TIMP3: variants seen among roughly 807,000 people sequenced by gnomAD.
TIMP3 encodes the protein metalloproteinase inhibitor 3.
A neutral mutation model predicts 30.0 loss-of-function variants in TIMP3; 11 were observed. The ratio of observed to expected loss-of-function variants is 0.37; its 90% CI spans 0.23 to 0.61. The LOEUF is 0.61. Ranked by LOEUF, TIMP3 falls within the 20% of genes least tolerant of loss-of-function variation. The pLI is 0.70. For missense variants in TIMP3, 181 were observed against 276.8 expected (o/e 0.65, Z 2.45); for synonymous variants, 112 against 111.3 (o/e 1.01, Z -0.04).
chr22:32,841,626 G>A (rs78278186), intron 1 of TIMP3, among the ~76,000 whole-genome samples: 1,655 of 152,044 alleles, frequency 0.011, 29 homozygotes, highest in African/African-American at 0.037. Context: ...TGTAGACTCT[G>A]GGATATATAA....
At chr22:32,823,034 A>AT (rs1194971941) in intron 1 of TIMP3, among the ~76,000 whole-genome samples, 1 of 152,124 alleles carries the variant, frequency 6.6e-6, no homozygotes, top group Non-Finnish European at 1.5e-5. Context: ...GCGCTGTGGG[A>AT]TTTTGGATGA....
chr22:32,852,902 C>T (rs2048263101), intron 2 of TIMP3, among the ~76,000 whole-genome samples: 1 of 152,152 alleles, frequency 6.6e-6, no homozygotes, highest in Non-Finnish European at 1.5e-5. Context: ...GAAACCGATC[C>T]ACTGTGCCAG....
At chr22:32,857,627 G>T (rs918322418) in intron 3 of TIMP3, among the ~76,000 whole-genome samples, 4 of 152,172 alleles carry the variant, frequency 2.6e-5, no homozygotes, top group African/African-American at 7.2e-5. Context: ...TAAAAAGGGA[G>T]TATCTGTTCC....
intron 1 of TIMP3, among the ~76,000 whole-genome samples, chr22:32,836,537 C>CT (rs1283330230): frequency 2.0e-5 from 3 of 152,206 alleles, no homozygotes; most frequent in African/African-American, 7.2e-5. Flanking sequence ...TTTGGATCTT[C>CT]TCTTTAATCA....
At chr22:32,807,534 C>T (rs1326110531) in intron 1 of TIMP3, among the ~76,000 whole-genome samples, 1 of 147,588 alleles carries the variant, frequency 6.8e-6, no homozygotes, top group African/African-American at 2.5e-5. Flanking sequence ...AAGTCATTAA[C>T]TTACATTAAC....
At chr22:32,855,559 C>T (rs2048339317) in intron 2 of TIMP3, among the ~76,000 whole-genome samples, 1 of 152,102 alleles carries the variant, frequency 6.6e-6, no homozygotes, top group South Asian at 2.1e-4. Flanking sequence ...ACTCAGGCTC[C>T]TCATCTATAA....
intron 1 of TIMP3, among the ~76,000 whole-genome samples, chr22:32,804,600 G>A (rs1176632164): frequency 1.3e-5 from 2 of 152,180 alleles, no homozygotes; most frequent in East Asian, 1.9e-4. Context: ...TCTCCGGGGG[G>A]CTGCCCGATG....
At chr22:32,810,395 G>A (rs977216534) in intron 1 of TIMP3, among the ~76,000 whole-genome samples, 2 of 152,124 alleles carry the variant, frequency 1.3e-5, no homozygotes, top group African/African-American at 2.4e-5. Flanking sequence ...GAAACTATAA[G>A]TGTTTCCAAG....
chr22:32,839,281 G>A (rs2047826658), intron 1 of TIMP3, among the ~76,000 whole-genome samples: 1 of 152,122 alleles, frequency 6.6e-6, no homozygotes. Flanking sequence ...GTAAATGAGG[G>A]TTGTGGATCC....
intron 1 of TIMP3, among the ~76,000 whole-genome samples, chr22:32,829,956 C>G (rs1417824650): frequency 3.3e-5 from 5 of 152,228 alleles, no homozygotes. Flanking sequence ...TGCTGGGCCT[C>G]TCTCTGCATT....
At chr22:32,824,038 G>A (rs759082115) in intron 1 of TIMP3, among the ~76,000 whole-genome samples, 3 of 152,076 alleles carry the variant, frequency 2.0e-5, no homozygotes, top group African/African-American at 4.8e-5. Flanking sequence ...CAGCATTTTG[G>A]GAGGCCAAGG....
chr22:32,829,156 C>T (rs1458800403), intron 1 of TIMP3, among the ~76,000 whole-genome samples: 1 of 152,174 alleles, frequency 6.6e-6, no homozygotes, highest in Non-Finnish European at 1.5e-5. Context: ...CTCGGCACTT[C>T]TTAGCAGCTC....
At chr22:32,847,303 T>G (rs1008626109) in intron 1 of TIMP3, among the ~76,000 whole-genome samples, 5 of 152,198 alleles carry the variant, frequency 3.3e-5, no homozygotes, top group Admixed American at 1.3e-4. Context: ...ACCGCAATGT[T>G]AGAAACAGAG....
chr22:32,818,006 C>A (rs2047132902), intron 1 of TIMP3, among the ~76,000 whole-genome samples: 1 of 152,192 alleles, frequency 6.6e-6, no homozygotes, highest in African/African-American at 2.4e-5. Flanking sequence ...ATACAAATTT[C>A]AAGAGCTTCA....
chr22:32,833,136 A>C (rs1003045853), intron 1 of TIMP3, among the ~76,000 whole-genome samples: 5 of 152,192 alleles, frequency 3.3e-5, no homozygotes, highest in African/African-American at 1.2e-4. Context: ...CAAGTGGGGA[A>C]GGTGAACTCT....
rs2046591826 is a variant in TIMP3, at chr22:32,801,865, G to A, written c.-137G>A. The A allele has an allele frequency of 1.8e-6, 2 of 1,142,682 alleles. No homozygotes were observed. The highest frequency in any genetic ancestry group is 2.2e-6 in the Non-Finnish European group (2 of 904,414). The allele number at this position is 1,142,682 out of a possible 1,614,324, so 70.8% of individuals were successfully genotyped here. A position where few individuals can be genotyped will look rare whatever the true frequency, so the allele number is the denominator to read the frequency against. On this transcript the variant is annotated 5_prime_UTR_variant, in exon 1 of 5. Coordinates refer to ENST00000266085, the MANE Select transcript of TIMP3 (RefSeq NM_000362.5). This position sits in a 1 kb window ranked among gnomAD's most constrained non-coding sequence, Gnocchi z 4.7. ...TCCCGTCCCGCCGGGCACTCGGAGG[G>A]CAGCGCGCCGGAGGCCAAGGTTGCC...
In TIMP3 at chr22:32,860,696, T is replaced by C. The variant is rs553262614; in HGVS notation, c.*1319T>C. The C allele has an allele frequency of 2.0e-5, 3 of 152,254 alleles. No individual in the cohort carries two copies. In the South Asian group the frequency reaches 6.2e-4, roughly 32 times the overall value. The allele number at this position is 152,254 out of a possible 1,614,324, so 9.4% of individuals were successfully genotyped here. A position where few individuals can be genotyped will look rare whatever the true frequency, so the allele number is the denominator to read the frequency against. Reference sequence around the variant, plus strand: ...GCTTAGCTCAGATGGCAGATGAGAGTGTAGTCAAGGGCCTGGGCACAGGAG... The same window carrying C: ...GCTTAGCTCAGATGGCAGATGAGAGCGTAGTCAAGGGCCTGGGCACAGGAG... On this transcript the variant is annotated 3_prime_UTR_variant, in exon 5 of 5. Transcript: ENST00000266085.
chr22:32,803,317 G>A (rs554665607), intron 1 of TIMP3, among the ~76,000 whole-genome samples: 2 of 152,070 alleles, frequency 1.3e-5, no homozygotes, highest in African/African-American at 4.8e-5. Flanking sequence ...CTCTACCAGC[G>A]TGTTGTGGTG....
At chr22:32,802,375 G>A (rs2046612843) in intron 1 of TIMP3, among the ~76,000 whole-genome samples, 1 of 152,136 alleles carries the variant, frequency 6.6e-6, no homozygotes, top group Non-Finnish European at 1.5e-5. Flanking sequence ...CTTAGGTCGT[G>A]AGGTTCCTAC....
Sources: gnomAD v4.1 joint callset for allele counts (sites outside exome capture counted in the v4.1 genomes callset) on GRCh38, gnomAD v4.1.1 for gene constraint, Gnocchi (gnomAD v3.1) non-coding constraint, MANE v1.5 for transcripts, NCBI Gene and HGNC (gene_info 2026-07-23, HGNC 2026-07-21) for gene names.